Variants in GRID2 observed in about 807,000 individuals in gnomAD.
GRID2 encodes glutamate ionotropic receptor delta type subunit 2.
In GRID2, 33 loss-of-function variants were observed where a neutral mutation model predicts 114.8. The observed-to-expected ratio is 0.29, with a 90% CI of 0.22 to 0.38. GRID2 has a LOEUF of 0.38. Among genes scored for constraint, GRID2 ranks in the 10% least tolerant of loss-of-function variants. GRID2 has a pLI of 1.00. For synonymous variants in GRID2, 505 were observed against 449.9 expected (o/e 1.12, Z -1.55); for missense variants, 1,184 against 1,257.7 (o/e 0.94, Z 0.89).
chr4:92,370,132 A>G (rs1436310507), intron 1 of GRID2, among the ~76,000 whole-genome samples: 2 of 152,154 alleles, frequency 1.3e-5, no homozygotes, highest in Non-Finnish European at 2.9e-5. Context: ...TAATTTTCTC[A>G]ATATTTCAAA....
At chr4:92,551,994 C>G (rs1420636434) in intron 1 of GRID2, among the ~76,000 whole-genome samples, 1 of 151,790 alleles carries the variant, frequency 6.6e-6, no homozygotes, top group Non-Finnish European at 1.5e-5. Context: ...AATAAGAACA[C>G]TAAGGGGTGG....
At chr4:92,523,270 T>C (rs1412977889) in intron 1 of GRID2, among the ~76,000 whole-genome samples, 1 of 151,984 alleles carries the variant, frequency 6.6e-6, no homozygotes, top group Non-Finnish European at 1.5e-5. Flanking sequence ...AAAAAGCATA[T>C]TTAGGTGGAA....
chr4:92,751,898 G>T (rs969609943), intron 2 of GRID2, among the ~76,000 whole-genome samples: 1 of 152,082 alleles, frequency 6.6e-6, no homozygotes, highest in Non-Finnish European at 1.5e-5. Context: ...TGTAGACAAG[G>T]GCAAAGTAAG....
chr4:93,259,986 T>C (rs1265532007), intron 8 of GRID2, among the ~76,000 whole-genome samples: 2 of 151,782 alleles, frequency 1.3e-5, no homozygotes, highest in Non-Finnish European at 3.0e-5. Flanking sequence ...TTTGGTTTTC[T>C]CTCTTAGTTT....
At chr4:92,982,652 C>G (rs1754289311) in intron 2 of GRID2, among the ~76,000 whole-genome samples, 1 of 152,154 alleles carries the variant, frequency 6.6e-6, no homozygotes, top group Admixed American at 6.5e-5. Context: ...CTCAAACATT[C>G]TTTACTCATT....
intron 4 of GRID2, among the ~76,000 whole-genome samples, chr4:93,133,369 CTTTAA>C (rs1276009460): frequency 2.6e-5 from 4 of 152,130 alleles, no homozygotes; most frequent in South Asian, 2.1e-4. Flanking sequence ...TAGTTTTGAG[CTTTAA>C]TTTGAGTTTA....
intron 1 of GRID2, among the ~76,000 whole-genome samples, chr4:92,372,708 T>G (rs1260414200): frequency 6.6e-6 from 1 of 152,142 alleles, no homozygotes; most frequent in African/African-American, 2.4e-5. Context: ...GGTATGCCTG[T>G]TCTGTTGTTT....
At chr4:92,433,446 C>G (rs1249368696) in intron 1 of GRID2, among the ~76,000 whole-genome samples, 1 of 152,196 alleles carries the variant, frequency 6.6e-6, no homozygotes, top group Non-Finnish European at 1.5e-5. Flanking sequence ...GGATGATTCC[C>G]CTCTGGCTAG....
At chr4:93,572,760 C>T (rs776732551) in intron 13 of GRID2, among the ~76,000 whole-genome samples, 5 of 152,120 alleles carry the variant, frequency 3.3e-5, no homozygotes, top group Non-Finnish European at 7.4e-5. Context: ...CCCACAGTAG[C>T]ATTTATACCC....
intron 13 of GRID2, among the ~76,000 whole-genome samples, chr4:93,604,174 C>G (rs187646978): frequency 2.1e-4 from 32 of 152,164 alleles, no homozygotes; most frequent in Non-Finnish European, 3.7e-4. Context: ...CCAGTAAGAA[C>G]ATTCACTGTT....
At chr4:92,344,468 G>A (rs1043226675) in intron 1 of GRID2, among the ~76,000 whole-genome samples, 3 of 152,028 alleles carry the variant, frequency 2.0e-5, no homozygotes, top group Non-Finnish European at 2.9e-5. Flanking sequence ...GTTATCTTTT[G>A]CTGCAAAATA....
intron 2 of GRID2, among the ~76,000 whole-genome samples, chr4:92,772,495 T>G (rs566927631): frequency 8.5e-4 from 130 of 152,250 alleles, no homozygotes; most frequent in African/African-American, 2.9e-3. Flanking sequence ...AGTGGCACAT[T>G]CATGAAAACA....
rs117239843 is a variant in GRID2, at chr4:93,086,919, C to T, written c.529+1640C>T. The stretch of plus-strand genomic sequence containing the variant: ...TTTCTTTTTTTACTTAAATGATATT[C>T]TTATGACCTCTGATCAAACATATAT... On this transcript the variant is annotated intron_variant, in intron 3 of 15. Coordinates refer to ENST00000282020, the MANE Select transcript of GRID2 (RefSeq NM_001510.4). Among the ~76,000 whole-genome samples, 45 of 152,070 alleles carry T rather than the reference C, an allele frequency of 3.0e-4. 4 individuals carry two copies. In the East Asian group the frequency reaches 8.8e-3, roughly 30 times the overall value.
At chr4:93,102,095 A>C (rs1346725215) in intron 3 of GRID2, among the ~76,000 whole-genome samples, 1 of 152,178 alleles carries the variant, frequency 6.6e-6, no homozygotes, top group Non-Finnish European at 1.5e-5. Context: ...CAAATAGCAG[A>C]AGTTTACTTC....
chr4:93,219,688 A>G (rs1427953532), intron 6 of GRID2, among the ~76,000 whole-genome samples: 1 of 152,186 alleles, frequency 6.6e-6, no homozygotes, highest in Non-Finnish European at 1.5e-5. Context: ...AATATTAAAG[A>G]ACACCTTTTA....
chr4:92,306,041 G>A (rs143579703), intron 1 of GRID2, among the ~76,000 whole-genome samples: 1 of 152,236 alleles, frequency 6.6e-6, no homozygotes, highest in Non-Finnish European at 1.5e-5. Flanking sequence ...ATACACACAC[G>A]CACGTACACA....
At chr4:92,356,937 G>T (rs576811222) in intron 1 of GRID2, among the ~76,000 whole-genome samples, 2 of 151,888 alleles carry the variant, frequency 1.3e-5, no homozygotes, top group Admixed American at 1.3e-4. Flanking sequence ...ATCTAGCAAG[G>T]TTGGAATACC....
chr4:93,537,029 C>G (rs1478166862), intron 13 of GRID2, among the ~76,000 whole-genome samples: 3 of 151,224 alleles, frequency 2.0e-5, no homozygotes, highest in East Asian at 1.9e-4. Context: ...ATAAATAACA[C>G]TCAATATCTA....
chr4:92,669,028 T>C (rs1191919122), intron 2 of GRID2, among the ~76,000 whole-genome samples: 1 of 151,890 alleles, frequency 6.6e-6, no homozygotes, highest in Non-Finnish European at 1.5e-5. Context: ...TTCTTCACTC[T>C]TGCGATGTCA....
Sources: gnomAD v4.1 joint callset for allele counts (sites outside exome capture counted in the v4.1 genomes callset) on GRCh38, gnomAD v4.1.1 for gene constraint, MANE v1.5 for transcripts, NCBI Gene and HGNC (gene_info 2026-07-23, HGNC 2026-07-21) for gene names.